Variants in PPP1CB observed in about 807,000 individuals in gnomAD.
PPP1CB encodes the protein protein phosphatase 1 catalytic subunit beta, also known as serine/threonine-protein phosphatase PP1-beta catalytic subunit.
Under a neutral mutation model 43.7 loss-of-function variants are expected in PPP1CB, and 2 were observed. The observed-to-expected ratio is 0.05, with a 90% CI of 0.02 to 0.14. The LOEUF (loss-of-function observed/expected upper bound fraction) is 0.14, where lower values mean the gene tolerates loss of function less well. Ranked by LOEUF, PPP1CB falls within the 10% of genes least tolerant of loss-of-function variation. The pLI is 1.00. For synonymous variants in PPP1CB, 136 were observed against 135.6 expected, an observed-to-expected ratio of 1.00 and a Z score of -0.02; for missense variants, 84 against 398.0, an observed-to-expected ratio of 0.21 and a Z score of 6.71.
intron 1 of PPP1CB, among the ~76,000 whole-genome samples, chr2:28,762,716 T>G (rs1666684197): frequency 6.6e-6 from 1 of 152,264 alleles, no homozygotes; most frequent in East Asian, 1.9e-4. Context: ...TAAATGGATC[T>G]TACACATGAC....
chr2:28,800,396 G>C lies in PPP1CB; in HGVS notation c.*1093G>C, dbSNP rs1667590285. ...CAGTGGGACATTTTGTCAACTATGG[G>C]TATTGGGTGCTTAACTGTCTAATAT... On this transcript the variant is annotated 3_prime_UTR_variant, in exon 8 of 8. Coordinates refer to ENST00000395366, the MANE Select transcript of PPP1CB (RefSeq NM_002709.3). 6.6e-6 allele frequency: 1 copy of C among 152,070 alleles called. No homozygotes were observed. Among genetic ancestry groups the C allele is most frequent in the African/African-American group, 2.4e-5 (1 of 41,324 alleles). The allele number at this position is 152,070 out of a possible 1,614,324, so 9.4% of individuals were successfully genotyped here.
chr2:28,792,666 A>G (rs146528898), intron 6 of PPP1CB, among the ~76,000 whole-genome samples: 36 of 152,352 alleles, frequency 2.4e-4, no homozygotes, highest in Admixed American at 4.6e-4. Flanking sequence ...TTTCAGCAGA[A>G]GCATGTTCCT....
rs189163050 is a variant in PPP1CB at position 28,781,154 on chromosome 2, G to A, written c.416-584G>A. 3.0e-3 allele frequency among the ~76,000 whole-genome samples: 456 copies of A among 152,120 alleles called. 3 individuals are homozygous for A. Among genetic ancestry groups the A allele is most frequent in the African/African-American group, 0.01 (429 of 41,494 alleles). ...TCTTAAAAGACAAAAATTGTTTGAT[G>A]TATTTCATAAAACACCTAGCACAAT... On this transcript the variant is annotated intron_variant, in intron 3 of 7. Coordinates refer to ENST00000395366, the MANE Select transcript of PPP1CB (RefSeq NM_002709.3).
intron 7 of PPP1CB, among the ~76,000 whole-genome samples, chr2:28,795,194 G>A (rs111945113): frequency 4.7e-4 from 71 of 152,244 alleles, no homozygotes; most frequent in African/African-American, 1.5e-3. Flanking sequence ...TTTTATGGTC[G>A]CATAGTATTC....
intron 1 of PPP1CB, among the ~76,000 whole-genome samples, chr2:28,762,650 T>C (rs536170557): frequency 6.6e-6 from 1 of 152,374 alleles, no homozygotes; most frequent in Admixed American, 6.5e-5. Context: ...TCTGAAATTA[T>C]ATCCATGAAT....
chr2:28,783,598 A>C (rs1017817240), intron 4 of PPP1CB, among the ~76,000 whole-genome samples: 27 of 152,224 alleles, frequency 1.8e-4, no homozygotes, highest in African/African-American at 6.0e-4. Flanking sequence ...TCTACTAAAA[A>C]TACAAAAAAT....
chr2:28,751,937 G>C lies in PPP1CB; in HGVS notation c.-188G>C. On this transcript the variant is annotated 5_prime_UTR_variant, in exon 1 of 8. Coordinates refer to ENST00000395366, the MANE Select transcript of PPP1CB (RefSeq NM_002709.3). ...TTATTTATTTTCCGTGGGTGCCTCCGAGTGTGCGCGCGCTCTCGCTACCCG... is the reference window on the plus strand; with the variant it reads ...TTATTTATTTTCCGTGGGTGCCTCCCAGTGTGCGCGCGCTCTCGCTACCCG... The C allele has an allele frequency of 1.5e-6, 1 of 652,880 alleles. No individual in the cohort carries two copies. Among genetic ancestry groups the C allele is most frequent in the Non-Finnish European group, 2.8e-6 (1 of 360,184 alleles). 40.4% of individuals were successfully genotyped at this position (652,880 alleles called of 1,614,324 possible).
At chr2:28,757,397 G>A (rs920668177) in intron 1 of PPP1CB, among the ~76,000 whole-genome samples, 1 of 152,130 alleles carries the variant, frequency 6.6e-6, no homozygotes, top group Non-Finnish European at 1.5e-5. Flanking sequence ...TATATAGCTG[G>A]GAGTGAGATT....
At chr2:28,764,309 A>T (rs1666731641) in intron 1 of PPP1CB, among the ~76,000 whole-genome samples, 3 of 151,784 alleles carry the variant, frequency 2.0e-5, no homozygotes, top group African/African-American at 7.3e-5. Context: ...AAATACAAAA[A>T]ATTAGCTGGG....
chr2:28,792,138 C>T (rs1435182106), intron 6 of PPP1CB, among the ~76,000 whole-genome samples: 8 of 151,760 alleles, frequency 5.3e-5, no homozygotes, highest in South Asian at 2.1e-4. Flanking sequence ...GTCAGGAGTT[C>T]GAGGCCAGCC....
intron 5 of PPP1CB, among the ~76,000 whole-genome samples, chr2:28,784,483 T>A (rs6742291): frequency 1.3e-5 from 2 of 151,956 alleles, no homozygotes; most frequent in South Asian, 4.2e-4. Context: ...AGGCTGGCCT[T>A]GAATTCCTAG....
rs1667625615 is a variant in PPP1CB, at chr2:28,801,865, A to C, written c.*2562A>C. On this transcript the variant is annotated 3_prime_UTR_variant, in exon 8 of 8. Coordinates refer to ENST00000395366, the MANE Select transcript of PPP1CB (RefSeq NM_002709.3). ...TTCTTGAAAGAATCAACTACAGTGA[A>C]TCCTTTGCATTTGAAGCCTTAACAT... The C allele has an allele frequency of 6.6e-6, 1 of 152,196 alleles. No homozygotes were observed. Among genetic ancestry groups the C allele is most frequent in the African/African-American group, 2.4e-5 (1 of 41,462 alleles). 9.4% of individuals were successfully genotyped at this position (152,196 alleles called of 1,614,324 possible). A position where few individuals can be genotyped will look rare whatever the true frequency, so the allele number is the denominator to read the frequency against.
chr2:28,767,702 A>T (rs554259775), intron 1 of PPP1CB, among the ~76,000 whole-genome samples: 133 of 152,356 alleles, frequency 8.7e-4, no homozygotes, highest in African/African-American at 3.1e-3. Flanking sequence ...GCTATGCTTC[A>T]TTAAACTTTA....
chr2:28,752,985 C>T (rs1050258918), intron 1 of PPP1CB, among the ~76,000 whole-genome samples: 2 of 152,114 alleles, frequency 1.3e-5, no homozygotes, highest in Non-Finnish European at 2.9e-5. Context: ...TTGAACTTTC[C>T]GGGCTCAAGT....
rs143440720 is a variant in PPP1CB at position 28,760,605 on chromosome 2, A to G, written c.52+8429A>G. Reference sequence around the variant, plus strand: ...GAAGTTTCCCTTTGGTAAATGATGCATAACTGGACTTGTCTGACACCATTT... The same window carrying G: ...GAAGTTTCCCTTTGGTAAATGATGCGTAACTGGACTTGTCTGACACCATTT... On this transcript the variant is annotated intron_variant, in intron 1 of 7. Coordinates refer to ENST00000395366, the MANE Select transcript of PPP1CB (RefSeq NM_002709.3). Among the ~76,000 whole-genome samples, 1,162 of 152,330 alleles carry G rather than the reference A, an allele frequency of 7.6e-3. 6 individuals carry two copies. Among genetic ancestry groups the G allele is most frequent in the Non-Finnish European group, 9.7e-3 (662 of 68,036 alleles).
intron 5 of PPP1CB, among the ~76,000 whole-genome samples, chr2:28,785,938 T>G (rs1233323996): frequency 2.6e-5 from 4 of 152,132 alleles, no homozygotes; most frequent in Non-Finnish European, 4.4e-5. Context: ...GGCTTCTGTT[T>G]TTAGCATGTT....
rs1174861907 is a variant in PPP1CB, at chr2:28,800,716, T to C, written c.*1413T>C. The C allele has an allele frequency of 6.6e-6, 1 of 152,512 alleles. No homozygotes were observed. Among genetic ancestry groups the C allele is most frequent in the Admixed American group, 6.5e-5 (1 of 15,274 alleles). 9.4% of individuals were successfully genotyped at this position (152,512 alleles called of 1,614,324 possible). A position where few individuals can be genotyped will look rare whatever the true frequency, so the allele number is the denominator to read the frequency against. On this transcript the variant is annotated 3_prime_UTR_variant, in exon 8 of 8. Transcript: ENST00000395366. ...TCTTTGACTGTGACACTATTGGATG[T>C]GATTCTAAAAGCTTTTATTGAGCAT...
At chr2:28,752,291 CT>C in intron 1 of PPP1CB, 115 bp downstream of exon 1, 1 of 1,027,172 alleles carries the variant, frequency 9.7e-7, no homozygotes, top group Non-Finnish European at 1.4e-6. Context: ...AGACGAGTCT[CT>C]GGGAGCGCGG....
chr2:28,797,606 T>C (rs1396378346), intron 7 of PPP1CB, among the ~76,000 whole-genome samples: 1 of 152,180 alleles, frequency 6.6e-6, no homozygotes, highest in Admixed American at 6.5e-5. Context: ...ATTCATTTAT[T>C]CTAGGTTTCC....
Sources: allele counts gnomAD v4.1 joint callset (sites outside exome capture counted in the v4.1 genomes callset), GRCh38; gene constraint gnomAD v4.1.1; transcripts MANE v1.5; gene names NCBI Gene and HGNC (gene_info 2026-07-23, HGNC 2026-07-21).